LRRC37A2: variants seen among roughly 807,000 people sequenced by gnomAD.
LRRC37A2 encodes the protein leucine-rich repeat-containing protein 37A2.
Under a neutral mutation model 68.8 loss-of-function variants are expected in LRRC37A2, and 9 were observed. The observed-to-expected ratio is 0.13, with a 90% CI of 0.08 to 0.23. LRRC37A2 has a LOEUF of 0.23. Among genes scored for constraint, LRRC37A2 ranks in the 10% least tolerant of loss-of-function variants. LRRC37A2 has a pLI of 1.00. For synonymous variants in LRRC37A2, 63 were observed against 367.6 expected (o/e 0.17, Z 9.48); for missense variants, 168 against 950.4 (o/e 0.18, Z 10.82).
At chr17:46,856,200 A>G in the LRRC37A2 span, among the ~76,000 whole-genome samples, 1 of 152,202 alleles carries the variant, frequency 6.6e-6, no homozygotes, top group Non-Finnish European at 1.5e-5. Context: ...TAACTGTGTG[A>G]CTTTAGACAA....
At chr17:46,869,168 T>C in the LRRC37A2 span, among the ~76,000 whole-genome samples, 1 of 152,202 alleles carries the variant, frequency 6.6e-6, no homozygotes. Context: ...TGCGGTTGGC[T>C]ACCTTTCCTG....
the LRRC37A2 span, among the ~76,000 whole-genome samples, chr17:46,398,016 T>G: frequency 1.5e-5 from 1 of 68,254 alleles, no homozygotes; most frequent in African/African-American, 4.5e-5. Context: ...CCTCAGCTAC[T>G]TGGGAGACTG....
chr17:46,743,091 G>A, the LRRC37A2 span, among the ~76,000 whole-genome samples: 23 of 152,186 alleles, frequency 1.5e-4, 1 homozygote, highest in South Asian at 4.0e-3. Context: ...TGACTCCTTC[G>A]GAGGGGGTGT....
At chr17:46,901,567 G>C in the LRRC37A2 span, among the ~76,000 whole-genome samples, 4 of 152,190 alleles carry the variant, frequency 2.6e-5, no homozygotes, top group Non-Finnish European at 4.4e-5. Context: ...CTGTTACATA[G>C]AGCAAGCAGG....
chr17:46,575,474 A>C, the LRRC37A2 span, among the ~76,000 whole-genome samples: 1 of 147,374 alleles, frequency 6.8e-6, no homozygotes, highest in East Asian at 2.0e-4. Context: ...GCTGGAACAG[A>C]GGCTGACTGA....
the LRRC37A2 span, among the ~76,000 whole-genome samples, chr17:46,501,667 T>C: frequency 6.6e-6 from 1 of 151,346 alleles, no homozygotes; most frequent in African/African-American, 2.5e-5. Flanking sequence ...CATGTTAACA[T>C]GCCAACCAAT....
the LRRC37A2 span, among the ~76,000 whole-genome samples, chr17:46,765,351 A>C: frequency 6.6e-6 from 1 of 152,244 alleles, no homozygotes; most frequent in African/African-American, 2.4e-5. Context: ...CACCATGTTC[A>C]CAACAGCAGA....
chr17:46,537,322 C>T (rs1278191136), intron 6 of LRRC37A2, among the ~76,000 whole-genome samples: 1 of 1,098 alleles, frequency 9.1e-4, no homozygotes, highest in African/African-American at 0.01. Context: ...GCGCCTGCCA[C>T]CACGCCCAGC....
chr17:46,976,171 C>A, the LRRC37A2 span, among the ~76,000 whole-genome samples: 1 of 151,658 alleles, frequency 6.6e-6, no homozygotes, highest in Non-Finnish European at 1.5e-5. Context: ...CGTGATCTGC[C>A]CGCCTCGGCC....
chr17:46,769,054 C>T, the LRRC37A2 span, among the ~76,000 whole-genome samples: 1 of 152,214 alleles, frequency 6.6e-6, no homozygotes, highest in Non-Finnish European at 1.5e-5. Flanking sequence ...TGCCCAGGCG[C>T]GGTGGTAATC....
At chr17:46,977,041 G>A in the LRRC37A2 span, among the ~76,000 whole-genome samples, 4 of 152,086 alleles carry the variant, frequency 2.6e-5, no homozygotes, top group Non-Finnish European at 5.9e-5. Context: ...GGGGGATGGG[G>A]CACATCCTGA....
chr17:46,849,411 C>T, the LRRC37A2 span, among the ~76,000 whole-genome samples: 1 of 152,236 alleles, frequency 6.6e-6, no homozygotes, highest in Non-Finnish European at 1.5e-5. Context: ...AGCAGCTGGG[C>T]AGCCTGAGCT....
the LRRC37A2 span, among the ~76,000 whole-genome samples, chr17:46,995,377 C>T: frequency 1.3e-5 from 2 of 152,202 alleles, no homozygotes; most frequent in African/African-American, 4.8e-5. Context: ...TCTTGTTCTT[C>T]AGCTACAGGT....
At chr17:47,037,297 G>C in the LRRC37A2 span, among the ~76,000 whole-genome samples, 1 of 151,904 alleles carries the variant, frequency 6.6e-6, no homozygotes, top group African/African-American at 2.4e-5. Flanking sequence ...TGGAGACGGG[G>C]TTTCAGCACG....
At chr17:46,950,886 G>T in the LRRC37A2 span, among the ~76,000 whole-genome samples, 1 of 152,208 alleles carries the variant, frequency 6.6e-6, no homozygotes, top group Non-Finnish European at 1.5e-5. Context: ...AGAATGACTT[G>T]CCAAGGGTGA....
the LRRC37A2 span, chr17:46,931,910 C>T: frequency 7.0e-6 from 5 of 713,048 alleles, no homozygotes; most frequent in South Asian, 4.7e-5. Context: ...CTTTCAACAT[C>T]GTTGATCAAA....
In LRRC37A2 at chr17:46,549,143, G is replaced by T. The variant is rs1180454847; in HGVS notation, c.4004G>T (p.Arg1335Ile). 4 of 1,611,424 alleles carry T rather than the reference G, an allele frequency of 2.5e-6. No homozygotes were observed. In the African/African-American group the frequency reaches 5.5e-5, roughly 22 times the overall value. The change falls in exon 10 of 15, where the codon AGA becomes ATA. Residue 1335 changes from arginine (R) to isoleucine (I), a missense_variant. Physicochemically the swap from Arg to Ile is moderately conservative, Grantham distance 97 (BLOSUM62 -3). Coordinates refer to ENST00000576629, the Ensembl canonical transcript of LRRC37A2. ...GTCAGAAAGAAAAGTTATCTGAGTAGACTGATGCTCGCAAACAGGCTTCCA... is the reference window on the plus strand; with the variant it reads ...GTCAGAAAGAAAAGTTATCTGAGTATACTGATGCTCGCAAACAGGCTTCCA...
the LRRC37A2 span, among the ~76,000 whole-genome samples, chr17:47,000,063 T>TAAAATAAAATAA: frequency 7.2e-3 from 128 of 17,682 alleles, 1 homozygote; most frequent in Non-Finnish European, 0.015. Flanking sequence ...TAAAATAAAA[T>TAAAATAAAATAA]TAAAATAAAA....
At chr17:46,768,844 G>A in the LRRC37A2 span, 1 of 1,599,466 alleles carries the variant, frequency 6.3e-7, no homozygotes, top group Non-Finnish European at 8.5e-7. This position sits in a 1 kb window ranked among gnomAD's most constrained non-coding sequence, Gnocchi z 5.0. Flanking sequence ...GACCCCACGA[G>A]GGGGCACATC....
Sources: allele counts gnomAD v4.1 joint callset (sites outside exome capture counted in the v4.1 genomes callset), GRCh38; gene constraint gnomAD v4.1.1; non-coding constraint Gnocchi (gnomAD v3.1); transcripts MANE v1.5; gene names NCBI Gene and HGNC (gene_info 2026-07-23, HGNC 2026-07-21).